GALNT18: variants seen among roughly 807,000 people sequenced by gnomAD.
The protein encoded by GALNT18 is polypeptide N-acetylgalactosaminyltransferase 18.
In GALNT18, 44 loss-of-function variants were observed where a neutral mutation model predicts 69.5. The ratio of observed to expected loss-of-function variants is 0.63; its 90% CI spans 0.50 to 0.81. GALNT18 has a LOEUF of 0.81. Ranked by LOEUF, GALNT18 falls within the 40% of genes least tolerant of loss-of-function variation. GALNT18 has a pLI of 0.00. For synonymous variants in GALNT18, 364 were observed against 318.2 expected, an observed-to-expected ratio of 1.14 and a Z score of -1.53; for missense variants, 715 against 810.0, an observed-to-expected ratio of 0.88 and a Z score of 1.42.
At chr11:11,506,252 C>G (rs1857068188) in intron 1 of GALNT18, among the ~76,000 whole-genome samples, 1 of 152,194 alleles carries the variant, frequency 6.6e-6, no homozygotes, top group African/African-American at 2.4e-5. Flanking sequence ...CCATAAAACC[C>G]CACATGGTTT....
chr11:11,608,410 A>G (rs1859805727), intron 1 of GALNT18, among the ~76,000 whole-genome samples: 2 of 151,620 alleles, frequency 1.3e-5, no homozygotes, highest in South Asian at 4.2e-4. Flanking sequence ...CCCAGGCTTG[A>G]GTACAATGGT....
At chr11:11,495,513 C>T (rs1190515981) in intron 1 of GALNT18, among the ~76,000 whole-genome samples, 1 of 152,182 alleles carries the variant, frequency 6.6e-6, no homozygotes, top group African/African-American at 2.4e-5. Flanking sequence ...CACTCTTAAG[C>T]AGCCATATTC....
rs575037401 is a variant in GALNT18, at chr11:11,601,079, C to A, written c.235+20280G>T. On this transcript the variant is annotated intron_variant, in intron 1 of 10. Transcript: ENST00000227756. This position sits in a 1 kb window ranked among gnomAD's most constrained non-coding sequence, Gnocchi z 4.0. ...TTTTTCAGCATAGTTTCCTTTAGTTCTTTGAACAAATATATAATAGCTACT... is the reference window on the plus strand; with the variant it reads ...TTTTTCAGCATAGTTTCCTTTAGTTATTTGAACAAATATATAATAGCTACT... 2.6e-5 allele frequency among the ~76,000 whole-genome samples: 4 copies of A among 152,138 alleles called. No individual in the cohort carries two copies. Among genetic ancestry groups the A allele is most frequent in the African/African-American group, 9.6e-5 (4 of 41,528 alleles).
intron 1 of GALNT18, among the ~76,000 whole-genome samples, chr11:11,557,272 G>T (rs923077682): frequency 6.6e-6 from 1 of 152,112 alleles, no homozygotes; most frequent in Non-Finnish European, 1.5e-5. Flanking sequence ...GTTATGGTGG[G>T]TTTTTTATAT....
rs200311694 is a variant in GALNT18 at position 11,430,307 on chromosome 11, G to T, written c.595+2314C>A. On this transcript the variant is annotated intron_variant, in intron 3 of 10. Coordinates refer to ENST00000227756, the MANE Select transcript of GALNT18 (RefSeq NM_198516.3). The surrounding 1 kb of genome is among the most constrained non-coding windows in gnomAD (Gnocchi z 4.9). ...GAAGGTTTCATATGCCCCTCACCCA[G>T]TATTCCCCAATGGTAACATTGTACA... is the stretch of plus-strand genomic sequence containing the variant. 3.9e-5 allele frequency among the ~76,000 whole-genome samples: 6 copies of T among 152,152 alleles called. No individual in the cohort carries two copies. The highest frequency in any genetic ancestry group is 1.4e-4 in the African/African-American group (6 of 41,432).
At chr11:11,473,090 T>A (rs1856308910) in intron 1 of GALNT18, among the ~76,000 whole-genome samples, 1 of 152,182 alleles carries the variant, frequency 6.6e-6, no homozygotes, top group Admixed American at 6.5e-5. Context: ...TTACTGCTCT[T>A]ACTACAGCCC....
Position 11,338,207 on chromosome 11 carries a change from A to T in GALNT18, c.1278+2612T>A, listed in dbSNP as rs1047074969. Among the ~76,000 whole-genome samples, 2 of 152,092 alleles carry T rather than the reference A, an allele frequency of 1.3e-5. No individual in the cohort carries two copies. Among genetic ancestry groups the T allele is most frequent in the African/African-American group, 4.8e-5 (2 of 41,410 alleles). ...GTTCTTGAACTCCTGACCCCAAGTGATTCACCCACCTCAGCCTCCCAAAGT... is the reference window on the plus strand; with the variant it reads ...GTTCTTGAACTCCTGACCCCAAGTGTTTCACCCACCTCAGCCTCCCAAAGT... On this transcript the variant is annotated intron_variant, in intron 7 of 10. Coordinates refer to ENST00000227756, the MANE Select transcript of GALNT18 (RefSeq NM_198516.3). The surrounding 1 kb of genome is among the most constrained non-coding windows in gnomAD (Gnocchi z 5.3).
Position 11,341,476 on chromosome 11 carries a change from A to G in GALNT18, c.1093-472T>C, listed in dbSNP as rs2133057340. ...ACAAGAATTAGTGATCACCACAGAG[A>G]AGGGTGTCACCAGACACCCTTCTTC... On this transcript the variant is annotated intron_variant, in intron 6 of 10. Coordinates refer to ENST00000227756, the MANE Select transcript of GALNT18 (RefSeq NM_198516.3). This position sits in a 1 kb window ranked among gnomAD's most constrained non-coding sequence, Gnocchi z 6.3. Among the ~76,000 whole-genome samples, 1 of 152,182 alleles carries G rather than the reference A, an allele frequency of 6.6e-6. No homozygotes were observed. The highest frequency in any genetic ancestry group is 2.1e-4 in the South Asian group (1 of 4,822).
Position 11,421,603 on chromosome 11 carries a change from C to G in GALNT18, c.595+11018G>C, listed in dbSNP as rs1000977472. Among the ~76,000 whole-genome samples the G allele has an allele frequency of 6.6e-6, 1 of 152,076 alleles. No individual in the cohort carries two copies. The highest frequency in any genetic ancestry group is 1.5e-5 in the Non-Finnish European group (1 of 68,020). On this transcript the variant is annotated intron_variant, in intron 3 of 10. Coordinates refer to ENST00000227756, the MANE Select transcript of GALNT18 (RefSeq NM_198516.3). This position sits in a 1 kb window ranked among gnomAD's most constrained non-coding sequence, Gnocchi z 5.6. ...CAAGTTGACAGGAAACAGAGGCAGG[C>G]CAAACGCAGGACCAATGCAGAGAAG...
At chr11:11,294,035 A>T (rs1337875101) in intron 9 of GALNT18, among the ~76,000 whole-genome samples, 2 of 152,298 alleles carry the variant, frequency 1.3e-5, no homozygotes, top group Middle Eastern at 3.4e-3. Context: ...AGTCCCCAAG[A>T]CCACCCTCAG....
At chr11:11,329,528 T>C (rs1431999951) in intron 8 of GALNT18, among the ~76,000 whole-genome samples, 2 of 152,222 alleles carry the variant, frequency 1.3e-5, no homozygotes, top group Non-Finnish European at 2.9e-5. Context: ...GCTCTCAGCT[T>C]ATCTGCCACT....
intron 6 of GALNT18, chr11:11,352,686 T>C (rs780005479): frequency 6.2e-7 from 1 of 1,614,024 alleles, no homozygotes; most frequent in Non-Finnish European, 8.5e-7. Flanking sequence ...GTGACAATAA[T>C]CCAGGGCCTT....
chr11:11,525,632 C>CTTTT (rs33938067), intron 1 of GALNT18, among the ~76,000 whole-genome samples: 7 of 118,626 alleles, frequency 5.9e-5, no homozygotes, highest in Non-Finnish European at 8.4e-5. Context: ...GTGCATATTA[C>CTTTT]TTTTTTTTTT....
Position 11,309,920 on chromosome 11 carries a change from A to G in GALNT18, c.1513-16727T>C, listed in dbSNP as rs1193222138. Among the ~76,000 whole-genome samples, 1 of 151,870 alleles carries G rather than the reference A, an allele frequency of 6.6e-6. No homozygotes were observed. Among genetic ancestry groups the G allele is most frequent in the East Asian group, 1.9e-4 (1 of 5,186 alleles). On this transcript the variant is annotated intron_variant, in intron 9 of 10. Transcript: ENST00000227756. The surrounding 1 kb of genome is among the most constrained non-coding windows in gnomAD (Gnocchi z 4.6). Reference sequence around the variant, plus strand: ...CACCCCCAGGGATATTGCTTTGTTAATTGCCCCCTTAAATAGATCTCTCTA... The same window carrying G: ...CACCCCCAGGGATATTGCTTTGTTAGTTGCCCCCTTAAATAGATCTCTCTA...
At chr11:11,502,896 T>C (rs1486327472) in intron 1 of GALNT18, among the ~76,000 whole-genome samples, 1 of 152,050 alleles carries the variant, frequency 6.6e-6, no homozygotes, top group African/African-American at 2.4e-5. Context: ...AGACACAAAA[T>C]AGTTGAAAAG....
chr11:11,589,699 C>A (rs1262819277), intron 1 of GALNT18, among the ~76,000 whole-genome samples: 1 of 152,124 alleles, frequency 6.6e-6, no homozygotes, highest in African/African-American at 2.4e-5. Flanking sequence ...TTGTCTATCG[C>A]CCCTCACTCC....
chr11:11,485,493 C>G (rs4910361), intron 1 of GALNT18, among the ~76,000 whole-genome samples: 45,714 of 152,128 alleles, frequency 0.3, 7,177 homozygotes, highest in East Asian at 0.42. Flanking sequence ...CAGAAGGGTG[C>G]TCCACCTCCA....
At chr11:11,364,115 G>T (rs760603082) in intron 6 of GALNT18, among the ~76,000 whole-genome samples, 5 of 152,156 alleles carry the variant, frequency 3.3e-5, no homozygotes, top group Non-Finnish European at 7.4e-5. Context: ...ATTATAGAAA[G>T]AACTATTTAT....
At chr11:11,473,903 A>T (rs908467812) in intron 1 of GALNT18, among the ~76,000 whole-genome samples, 4 of 152,178 alleles carry the variant, frequency 2.6e-5, no homozygotes, top group Non-Finnish European at 5.9e-5. Context: ...AGTCTCTACC[A>T]AAAATACAAA....
Sources: allele counts gnomAD v4.1 joint callset (sites outside exome capture counted in the v4.1 genomes callset), GRCh38; gene constraint gnomAD v4.1.1; non-coding constraint Gnocchi (gnomAD v3.1); transcripts MANE v1.5; gene names NCBI Gene and HGNC (gene_info 2026-07-23, HGNC 2026-07-21).